Variants in OVCH1 observed in about 807,000 individuals in gnomAD.
OVCH1 encodes the protein ovochymase 1, also known as ovochymase-1.
In OVCH1, 139 loss-of-function variants were observed where a neutral mutation model predicts 138.4. The observed-to-expected ratio is 1.00, with a 90% CI of 0.87 to 1.16. The LOEUF (loss-of-function observed/expected upper bound fraction) is 1.16. Among genes scored for constraint, OVCH1 ranks in the 50% most tolerant of loss-of-function variants. The probability of loss-of-function intolerance (pLI) is 0.00; values close to 1 mark genes in which losing one functional copy is unlikely to be tolerated. For synonymous variants in OVCH1, 453 were observed against 467.8 expected (o/e 0.97, Z 0.41); for missense variants, 1,367 against 1,357.9 (o/e 1.01, Z -0.11).
chr12:29,488,265 A>T (rs12228297), intron 6 of OVCH1, among the ~76,000 whole-genome samples: 61,439 of 151,762 alleles, frequency 0.4, 12,712 homozygotes, highest in East Asian at 0.55. Flanking sequence ...CATCTTCCAA[A>T]CCTATGGAGC....
chr12:29,412,832 C>T (rs769480544), intron 3 of OVCH1: 10 of 152,128 alleles, frequency 6.6e-5, no homozygotes, highest in Admixed American at 4.6e-4. Flanking sequence ...CTAGAAATAG[C>T]TACTTTGACT....
intron 9 of OVCH1, among the ~76,000 whole-genome samples, chr12:29,478,464 T>C (rs1442181801): frequency 2.6e-5 from 4 of 152,140 alleles, no homozygotes; most frequent in African/African-American, 7.2e-5. Flanking sequence ...AACTGTGACA[T>C]CAATTGCATT....
At chr12:29,403,385 T>C in the OVCH1 span, among the ~76,000 whole-genome samples, 1 of 152,238 alleles carries the variant, frequency 6.6e-6, no homozygotes. Flanking sequence ...TGATAATCAA[T>C]GTGTTTACCT....
Position 29,495,458 on chromosome 12 carries a change from C to T in OVCH1, c.282-1G>A. 1 of 1,610,772 alleles carries T rather than the reference C, an allele frequency of 6.2e-7. No homozygotes were observed. Among genetic ancestry groups the T allele is most frequent in the Non-Finnish European group, 8.5e-7 (1 of 1,178,904 alleles). Reference sequence around the variant, plus strand: ...CACAGTTATATTCTTCAGCTGCTTCCTAAAACCAAAGAAAAATGTTTCATA... The same window carrying T: ...CACAGTTATATTCTTCAGCTGCTTCTTAAAACCAAAGAAAAATGTTTCATA... On this transcript the variant is annotated splice_acceptor_variant, in intron 3 of 27. Transcript: ENST00000318184. LOFTEE classifies it high-confidence loss of function.
At chr12:29,497,665 C>A (rs1487395437) in exon 1 of OVCH1, 1 of 1,613,888 alleles carries the variant, frequency 6.2e-7, no homozygotes, top group Admixed American at 1.7e-5. Context: ...AGCAACAAAC[C>A]AGCACTGGCC....
At chr12:29,409,222 C>T (rs913509148), downstream of OVCH1, among the ~76,000 whole-genome samples, 102 of 152,178 alleles carry the variant, frequency 6.7e-4, no homozygotes, top group Non-Finnish European at 9.9e-4. Context: ...GTCTTGCTAG[C>T]GGTCTATCAA....
chr12:29,484,277 A>G (rs1943024572), intron 8 of OVCH1, among the ~76,000 whole-genome samples: 1 of 152,202 alleles, frequency 6.6e-6, no homozygotes, highest in Non-Finnish European at 1.5e-5. Flanking sequence ...TATTACCATG[A>G]TCATAGAAAT....
intron 3 of OVCH1, among the ~76,000 whole-genome samples, chr12:29,418,070 A>C (rs1418473913): frequency 6.6e-6 from 1 of 152,210 alleles, no homozygotes; most frequent in Non-Finnish European, 1.5e-5. Context: ...TCTTAGTTAC[A>C]GTTCCCGCAG....
chr12:29,483,779 C>G (rs1381171201), intron 8 of OVCH1, among the ~76,000 whole-genome samples: 2 of 152,196 alleles, frequency 1.3e-5, no homozygotes, highest in African/African-American at 2.4e-5. Context: ...AGTATTAGAG[C>G]TACCAAAGAC....
At chr12:29,481,288 T>C (rs181968425) in intron 8 of OVCH1, among the ~76,000 whole-genome samples, 52 of 152,254 alleles carry the variant, frequency 3.4e-4, no homozygotes, top group African/African-American at 1.2e-3. Context: ...TATGAACCTA[T>C]CTTAGGAATT....
chr12:29,466,633 T>G (rs1487941013), intron 16 of OVCH1, among the ~76,000 whole-genome samples: 1 of 152,218 alleles, frequency 6.6e-6, no homozygotes, highest in Non-Finnish European at 1.5e-5. Flanking sequence ...GGCTGCTGGG[T>G]ACTAGTAATG....
chr12:29,472,015 G>T (rs1296105843), intron 15 of OVCH1, 33 bp from the exon 16 acceptor site: 1 of 1,567,322 alleles, frequency 6.4e-7, no homozygotes, highest in Admixed American at 1.9e-5. Context: ...GACCCATAAG[G>T]TTGCAGTAAT....
At chr12:29,439,402 T>C (rs1213791254) in exon 26 of OVCH1, 4 of 1,551,734 alleles carry the variant, frequency 2.6e-6, no homozygotes, top group Non-Finnish European at 3.5e-6. Flanking sequence ...ATGTCTTTTG[T>C]CAGTATCATT....
intron 25 of OVCH1, among the ~76,000 whole-genome samples, chr12:29,442,245 G>T (rs148640025): frequency 1.3e-5 from 2 of 151,904 alleles, no homozygotes; most frequent in African/African-American, 4.8e-5. Context: ...ATGATAGACC[G>T]GATCAAGAAA....
At chr12:29,492,335 A>G (rs1943295100) in intron 4 of OVCH1, among the ~76,000 whole-genome samples, 1 of 152,160 alleles carries the variant, frequency 6.6e-6, no homozygotes, top group South Asian at 2.1e-4. Context: ...TCATAAAAAA[A>G]AAAAATAAAC....
chr12:29,455,812 T>C (rs1941934394), intron 19 of OVCH1, among the ~76,000 whole-genome samples: 1 of 151,954 alleles, frequency 6.6e-6, no homozygotes. Flanking sequence ...TCACAAGAAA[T>C]GTGCTGCCTG....
At chr12:29,439,520 A>C (rs753532208) in intron 25 of OVCH1, 3 of 1,344,332 alleles carry the variant, frequency 2.2e-6, no homozygotes, top group Non-Finnish European at 2.9e-6. Flanking sequence ...ACACCAACTA[A>C]AGGAAAAATC....
intron 3 of OVCH1, among the ~76,000 whole-genome samples, chr12:29,415,874 G>T (rs1941024399): frequency 6.6e-6 from 1 of 152,002 alleles, no homozygotes; most frequent in South Asian, 2.1e-4. Flanking sequence ...TAAATTGGAA[G>T]AAATCACTTT....
chr12:29,447,401 A>G (rs937102071), intron 22 of OVCH1, among the ~76,000 whole-genome samples: 1 of 152,194 alleles, frequency 6.6e-6, no homozygotes, highest in African/African-American at 2.4e-5. Flanking sequence ...GCATGGTGAA[A>G]GAAGATCCTA....
Sources: allele counts gnomAD v4.1 joint callset (sites outside exome capture counted in the v4.1 genomes callset), GRCh38; gene constraint gnomAD v4.1.1; transcripts MANE v1.5; gene names NCBI Gene and HGNC (gene_info 2026-07-23, HGNC 2026-07-21).